Variants in SLC2A13 observed in about 807,000 individuals in gnomAD.
SLC2A13 encodes the protein proton myo-inositol cotransporter.
Under a neutral mutation model 64.4 loss-of-function variants are expected in SLC2A13, and 32 were observed. That is an observed-to-expected ratio of 0.50 (90% CI 0.37 to 0.67). The LOEUF (loss-of-function observed/expected upper bound fraction) is 0.67. SLC2A13 is among the 30% of genes least tolerant of loss of function. The pLI is 0.00. For synonymous variants in SLC2A13, 338 were observed against 327.1 expected (o/e 1.03, Z -0.36); for missense variants, 743 against 829.2 (o/e 0.90, Z 1.28).
At chr12:39,799,668 T>C (rs910322045) in intron 7 of SLC2A13, among the ~76,000 whole-genome samples, 1 of 152,162 alleles carries the variant, frequency 6.6e-6, no homozygotes, top group African/African-American at 2.4e-5. Flanking sequence ...TATGTACAAT[T>C]AATAGCAATT....
At chr12:39,930,741 T>A in intron 4 of SLC2A13, among the ~76,000 whole-genome samples, 1 of 152,182 alleles carries the variant, frequency 6.6e-6, no homozygotes, top group East Asian at 1.9e-4. Context: ...AATAAAAACA[T>A]GAATACCCTT....
intron 1 of SLC2A13, among the ~76,000 whole-genome samples, chr12:40,098,503 TA>T (rs1402191602): frequency 6.6e-6 from 1 of 152,154 alleles, no homozygotes; most frequent in Non-Finnish European, 1.5e-5. Flanking sequence ...TTTACCACAA[TA>T]AAAAAATAAA....
At chr12:39,906,711 A>G (rs1945292852) in intron 4 of SLC2A13, among the ~76,000 whole-genome samples, 1 of 152,116 alleles carries the variant, frequency 6.6e-6, no homozygotes, top group African/African-American at 2.4e-5. Context: ...TAAATATTAA[A>G]TCAATTACTA....
At chr12:39,846,886 T>C (rs1943331195) in intron 6 of SLC2A13, among the ~76,000 whole-genome samples, 2 of 152,130 alleles carry the variant, frequency 1.3e-5, no homozygotes, top group South Asian at 4.1e-4. Context: ...GTTAACTATA[T>C]AATAAATGGC....
chr12:40,027,035 G>A (rs957105934), intron 3 of SLC2A13, among the ~76,000 whole-genome samples: 1 of 150,634 alleles, frequency 6.6e-6, no homozygotes, highest in African/African-American at 2.4e-5. Context: ...AGCCAAGATC[G>A]CGCCATTGCA....
intron 1 of SLC2A13, among the ~76,000 whole-genome samples, chr12:40,104,891 G>C (rs1277773380): frequency 1.3e-5 from 2 of 152,212 alleles, no homozygotes; most frequent in African/African-American, 2.4e-5. Flanking sequence ...AGAGACCCTC[G>C]TAAGCTCAAG....
At chr12:39,859,067 T>G (rs1403742416) in intron 6 of SLC2A13, among the ~76,000 whole-genome samples, 1 of 152,038 alleles carries the variant, frequency 6.6e-6, no homozygotes, top group Non-Finnish European at 1.5e-5. Flanking sequence ...GGAAATGAAC[T>G]TTGAAGGGAC....
intron 4 of SLC2A13, among the ~76,000 whole-genome samples, chr12:39,902,543 C>T (rs1331265209): frequency 1.3e-5 from 2 of 151,920 alleles, no homozygotes; most frequent in Non-Finnish European, 2.9e-5. Flanking sequence ...TTTTTAAGCA[C>T]TACCAGGTGT....
chr12:39,908,884 G>A (rs971681514), intron 4 of SLC2A13, among the ~76,000 whole-genome samples: 3 of 151,968 alleles, frequency 2.0e-5, no homozygotes, highest in African/African-American at 4.8e-5. Context: ...AATTCAGAAC[G>A]GGCACTTAGC....
chr12:40,049,766 T>C (rs914541114), intron 1 of SLC2A13, among the ~76,000 whole-genome samples: 5 of 152,172 alleles, frequency 3.3e-5, no homozygotes, highest in Non-Finnish European at 2.9e-5. Context: ...GATGAACAGA[T>C]AGGCAAGATT....
chr12:39,886,150 G>C (rs2029971), intron 4 of SLC2A13, among the ~76,000 whole-genome samples: 47,247 of 152,066 alleles, frequency 0.31, 7,806 homozygotes, highest in South Asian at 0.38. Context: ...CCAAATATCA[G>C]GAAAGAAAGA....
At chr12:39,795,191 C>G (rs924706031) in intron 7 of SLC2A13, among the ~76,000 whole-genome samples, 1 of 151,726 alleles carries the variant, frequency 6.6e-6, no homozygotes, top group Non-Finnish European at 1.5e-5. Context: ...GATCTCCCCC[C>G]ACCTCTCTCT....
chr12:39,990,796 T>C (rs1165133642), intron 3 of SLC2A13, among the ~76,000 whole-genome samples: 1 of 152,180 alleles, frequency 6.6e-6, no homozygotes, highest in Non-Finnish European at 1.5e-5. Context: ...CTTTAAGCAA[T>C]GCCAACTCTC....
chr12:39,961,781 G>GT (rs1191486129), intron 3 of SLC2A13, among the ~76,000 whole-genome samples: 1 of 150,718 alleles, frequency 6.6e-6, no homozygotes, highest in Non-Finnish European at 1.5e-5. Context: ...GATTACAGGT[G>GT]TGAGCCGCCA....
chr12:39,919,128 G>T (rs532989560), intron 4 of SLC2A13, among the ~76,000 whole-genome samples: 59 of 151,986 alleles, frequency 3.9e-4, no homozygotes, highest in Non-Finnish European at 6.6e-4. Flanking sequence ...CTACACGCTT[G>T]TGTGCCACCA....
At chr12:39,887,509 A>T (rs1944498094) in intron 4 of SLC2A13, among the ~76,000 whole-genome samples, 1 of 152,198 alleles carries the variant, frequency 6.6e-6, no homozygotes, top group African/African-American at 2.4e-5. Context: ...AAAAAAGGGG[A>T]TAAAAAAGGG....
intron 7 of SLC2A13, among the ~76,000 whole-genome samples, chr12:39,800,473 C>T (rs1489093933): frequency 5.1e-5 from 7 of 136,318 alleles, no homozygotes; most frequent in Non-Finnish European, 7.8e-5. Flanking sequence ...GACATTTATG[C>T]AGCCAAAAAA....
chr12:40,074,956 C>G (rs1452437069), intron 1 of SLC2A13, among the ~76,000 whole-genome samples: 1 of 152,102 alleles, frequency 6.6e-6, no homozygotes, highest in Non-Finnish European at 1.5e-5. Context: ...TTAATATTCC[C>G]CTTTTCTCAA....
chr12:39,893,035 A>G (rs1018492311), intron 4 of SLC2A13, among the ~76,000 whole-genome samples: 2 of 152,206 alleles, frequency 1.3e-5, no homozygotes, highest in African/African-American at 4.8e-5. Context: ...CAATTAAGAT[A>G]TTTTCACATT....
Sources: allele counts gnomAD v4.1 joint callset (sites outside exome capture counted in the v4.1 genomes callset), GRCh38; gene constraint gnomAD v4.1.1; transcripts MANE v1.5; gene names NCBI Gene and HGNC (gene_info 2026-07-23, HGNC 2026-07-21).